ADAR: variants seen among roughly 807,000 people sequenced by gnomAD.
ADAR encodes the protein adenosine deaminase RNA specific, also known as double-stranded RNA-specific adenosine deaminase.
A neutral mutation model predicts 113.2 loss-of-function variants in ADAR; 41 were observed. That is an observed-to-expected ratio of 0.36 (90% CI 0.28 to 0.47). The LOEUF is 0.47. Ranked by LOEUF, ADAR falls within the 20% of genes least tolerant of loss-of-function variation. The pLI is 1.00. For synonymous variants in ADAR, 605 were observed against 572.6 expected, an observed-to-expected ratio of 1.06 and a Z score of -0.81; for missense variants, 1,242 against 1,540.9, an observed-to-expected ratio of 0.81 and a Z score of 3.25.
At position 154,608,141 on chromosome 1, in the gene ADAR, G is replaced by T; in HGVS notation, c.-135C>A. The T allele has an allele frequency of 6.0e-6, 7 of 1,172,634 alleles. No homozygotes were observed. Among genetic ancestry groups the T allele is most frequent in the Non-Finnish European group, 8.0e-6 (7 of 875,420 alleles). 72.6% of individuals were successfully genotyped at this position (1,172,634 alleles called of 1,614,324 possible). A position where few individuals can be genotyped will look rare whatever the true frequency, so the allele number is the denominator to read the frequency against. On this transcript the variant is annotated 5_prime_UTR_variant, in exon 1 of 15. Transcript: ENST00000368474. ...GAAGTGGCCCCGGGGCGTCGGCACG[G>T]GAAACTCCGCGGGTCTGCGCGCCGG...
At chr1:154,611,136 T>C (rs754442497), upstream of ADAR, among the ~76,000 whole-genome samples, 17 of 152,178 alleles carry the variant, frequency 1.1e-4, no homozygotes, top group Non-Finnish European at 2.4e-4. Context: ...AGTTATATCT[T>C]ACCTCTGCTT....
At position 154,586,366 on chromosome 1, in the gene ADAR, G is replaced by A. The variant is rs1085307951; in HGVS notation, c.3020-3C>T. ...TTCCACAGGGATTGTGCCTTCTCCT[G>A]TGTGAGAGACTTGGGTCAGACCCAC... On this transcript the variant is annotated splice_polypyrimidine_tract_variant and splice_region_variant and intron_variant, in intron 11 of 14. Transcript: ENST00000368474. 1.2e-6 allele frequency: 2 copies of A among 1,613,654 alleles called. No individual in the cohort carries two copies. The highest frequency in any genetic ancestry group is 2.2e-5 in the East Asian group (1 of 44,888).
intron 1 of ADAR, among the ~76,000 whole-genome samples, chr1:154,616,357 C>G (rs536899445): frequency 6.6e-6 from 1 of 152,202 alleles, no homozygotes; most frequent in Non-Finnish European, 1.5e-5. Context: ...CTTCTCCCTT[C>G]TGTTGGACCA....
In ADAR at chr1:154,601,488, C is replaced by T. The variant is rs528767351; in HGVS notation, c.1154G>A (p.Arg385Lys). ...ATTACAGGTGAGGAACTCTGCGTTT[C>T]TTTTGGTCTCAGGGATTGCAGCTGG... ...TAPAAIPETK[R>K]NAEFLTCNIP... Residue 385 changes from arginine (R) to lysine (K), a missense_variant, in exon 2 of 15, where the codon AGA becomes AAA. Physicochemically the swap from Arg to Lys is conservative, Grantham distance 26. Around this residue, in one of 2 missense-constraint regions of ADAR, gnomAD observed 462 missense variants for 483.1 expected, o/e 0.96. Transcript: ENST00000368474. This position sits in a 1 kb window ranked among gnomAD's most constrained non-coding sequence, Gnocchi z 4.7. 3.7e-6 allele frequency: 6 copies of T among 1,614,132 alleles called. No individual in the cohort carries two copies. The African/African-American group carries it at 6.7e-5, about 18-fold the overall frequency.
intron 1 of ADAR, among the ~76,000 whole-genome samples, chr1:154,607,156 T>C (rs908281900): frequency 6.6e-6 from 1 of 151,920 alleles, no homozygotes; most frequent in African/African-American, 2.4e-5. Context: ...CCACTTTCCA[T>C]CCCTATAACT....
intron 11 of ADAR, 94 bp downstream of exon 11, chr1:154,588,031 T>A: frequency 6.3e-7 from 1 of 1,578,436 alleles, no homozygotes; most frequent in Non-Finnish European, 8.6e-7. Context: ...GCCCAGTGAC[T>A]AATGGTAAAA....
At chr1:154,592,716 G>T (rs1319650849) in intron 6 of ADAR, among the ~76,000 whole-genome samples, 1 of 152,128 alleles carries the variant, frequency 6.6e-6, no homozygotes, top group Non-Finnish European at 1.5e-5. Flanking sequence ...GAAATGAAGC[G>T]AAGGGGGCAA....
chr1:154,596,744 C>T, intron 6 of ADAR, 61 bp downstream of exon 6: 4 of 1,595,988 alleles, frequency 2.5e-6, no homozygotes, highest in Non-Finnish European at 3.4e-6. Flanking sequence ...CCTTGTTTTC[C>T]CTGGGTTACA....
rs1698167438 is a variant in ADAR at position 154,606,004 on chromosome 1, A to C, written c.15+1988T>G. 2 of 941,668 alleles carry C rather than the reference A, an allele frequency of 2.1e-6. No homozygotes were observed. Among genetic ancestry groups the C allele is most frequent in the Non-Finnish European group, 2.5e-6 (2 of 790,170 alleles). The allele number at this position is 941,668 out of a possible 1,614,324, so 58.3% of individuals were successfully genotyped here. A position where few individuals can be genotyped will look rare whatever the true frequency, so the allele number is the denominator to read the frequency against. On this transcript the variant is annotated intron_variant, in intron 1 of 14. Transcript: ENST00000368474. ...ATTCATTCTATGGAATAGTACTCAC[A>C]CGGTTATTTTTTTTCTTGTGAGACG...
intron 5 of ADAR, 50 bp downstream of exon 5, chr1:154,597,067 TAAACCA>T: frequency 1.9e-6 from 3 of 1,614,142 alleles, no homozygotes; most frequent in Non-Finnish European, 2.5e-6. Context: ...CTGGCAATCT[TAAACCA>T]CTCAGTTGCT....
chr1:154,598,562 T>C lies in ADAR; in HGVS notation c.1625A>G (p.Asn542Ser), dbSNP rs200242235. 6.6e-5 allele frequency: 106 copies of C among 1,614,228 alleles called. No homozygotes were observed. In the African/African-American group the frequency reaches 6.7e-4, roughly 10 times the overall value. ...TTCAGCTGGGGGAAACTCTCGGCCA[T>C]TGATGACAACCTGGAATTTAAATCT... ...EPRFKFQVVI[N>S]GREFPPAEAG... Residue 542 changes from asparagine (N) to serine (S), a missense_variant, in exon 3 of 15, where the codon AAT (asparagine) becomes AGT (serine). By Grantham distance (46) the Asn-to-Ser change is conservative. Around this residue, in one of 2 missense-constraint regions of ADAR, gnomAD observed 780 missense variants for 1,057.9 expected, o/e 0.74. Transcript: ENST00000368474.
intron 1 of ADAR, among the ~76,000 whole-genome samples, chr1:154,620,985 C>T (rs1698777915): frequency 6.6e-6 from 1 of 152,156 alleles, no homozygotes; most frequent in Non-Finnish European, 1.5e-5. Context: ...CTCTTTAAAC[C>T]AGACAGCCAC....
intron 10 of ADAR, 115 bp downstream of exon 10, chr1:154,588,436 C>T (rs887220281): frequency 4.6e-6 from 7 of 1,529,648 alleles, no homozygotes; most frequent in African/African-American, 2.7e-5. Context: ...CTCAAACCCA[C>T]AGTGGAGTGT....
At position 154,613,671 on chromosome 1, in the gene ADAR, G is replaced by A. The variant is rs76159278; in HGVS notation, c.-870-11045C>T. On this transcript the variant is annotated intron_variant, in intron 1 of 14. Transcript: ENST00000368471. ...TGTAATCCCAGCACTTTGGGACACC[G>A]AGGTGGGTGGATCACCTGAGGTCGG... Among the ~76,000 whole-genome samples the A allele has an allele frequency of 6.1e-3, 922 of 152,206 alleles. 17 individuals are homozygous for A. The highest frequency in any genetic ancestry group is 0.012 in the Admixed American group (190 of 15,292).
chr1:154,610,944 G>A (rs1698469917), upstream of ADAR, among the ~76,000 whole-genome samples: 1 of 151,820 alleles, frequency 6.6e-6, no homozygotes, highest in African/African-American at 2.4e-5. Context: ...CTTGGGTAGT[G>A]GCTACATATG....
At chr1:154,600,654 A>T (rs866887368) in intron 2 of ADAR, 16 of 281,318 alleles carry the variant, frequency 5.7e-5, no homozygotes, top group South Asian at 1.5e-4. Flanking sequence ...TTGTATTTTT[A>T]GTAGAGACAG....
intron 2 of ADAR, 159 bp downstream of exon 2, chr1:154,600,882 G>A (rs1697823946): frequency 2.9e-6 from 3 of 1,030,492 alleles, no homozygotes; most frequent in African/African-American, 1.6e-5. Context: ...TCAATATCTG[G>A]AGAAAGGGCC....
intron 2 of ADAR, among the ~76,000 whole-genome samples, chr1:154,599,111 TTTG>T (rs1214596159): frequency 1.3e-5 from 2 of 152,150 alleles, no homozygotes; most frequent in Admixed American, 6.5e-5. Context: ...ATCACCGTAG[TTTG>T]TTATGAGTCA....
upstream of ADAR, among the ~76,000 whole-genome samples, chr1:154,610,356 GAATAC>G (rs1449885066): frequency 6.6e-6 from 1 of 152,150 alleles, no homozygotes; most frequent in Non-Finnish European, 1.5e-5. Context: ...GCCCATGATG[GAATAC>G]AATACAGCAA....
Sources: gnomAD v4.1 joint callset for allele counts (sites outside exome capture counted in the v4.1 genomes callset) on GRCh38, gnomAD v4.1.1 for gene constraint, gnomAD v4.1.1 regional missense constraint, Gnocchi (gnomAD v3.1) non-coding constraint, MANE v1.5 for transcripts, NCBI Gene and HGNC (gene_info 2026-07-23, HGNC 2026-07-21) for gene names.